Variants in RBPMS observed in about 807,000 individuals in gnomAD.
The protein encoded by RBPMS is RNA-binding protein with multiple splicing.
In RBPMS, 7 loss-of-function variants were observed where a neutral mutation model predicts 26.8. That is an observed-to-expected ratio of 0.26 (90% CI 0.15 to 0.49). RBPMS has a LOEUF of 0.49. Ranked by LOEUF, RBPMS falls within the 20% of genes least tolerant of loss-of-function variation. The probability of loss-of-function intolerance (pLI) is 0.98; values close to 1 mark genes in which losing one functional copy is unlikely to be tolerated. For synonymous variants in RBPMS, 96 were observed against 93.3 expected (o/e 1.03, Z -0.17); for missense variants, 186 against 250.0 (o/e 0.74, Z 1.73).
At chr8:30,511,167 T>A (rs1821548814) in intron 5 of RBPMS, among the ~76,000 whole-genome samples, 1 of 150,656 alleles carries the variant, frequency 6.6e-6, no homozygotes, top group African/African-American at 2.4e-5. Context: ...ATACAAAAAT[T>A]AACTAGGCGT....
At chr8:30,559,675 T>TA (rs1483102418) in intron 7 of RBPMS, among the ~76,000 whole-genome samples, 5 of 152,210 alleles carry the variant, frequency 3.3e-5, no homozygotes, top group African/African-American at 1.2e-4. Context: ...AGAGTCTACT[T>TA]AGAGTTAAGT....
chr8:30,528,175 C>CAA (rs371646274), intron 5 of RBPMS, among the ~76,000 whole-genome samples: 5 of 123,864 alleles, frequency 4.0e-5, no homozygotes, highest in Non-Finnish European at 7.0e-5. Context: ...AACTTTATTC[C>CAA]AAAAAAAAAA....
At chr8:30,446,842 T>TGTGTGTGTGC (rs1439127078) in intron 1 of RBPMS, 2 of 65,578 alleles carry the variant, frequency 3.0e-5, no homozygotes, top group East Asian at 4.4e-4. Flanking sequence ...TGTGTGTGTG[T>TGTGTGTGTGC]GCGCGCGCGC....
chr8:30,443,190 T>C (rs551901327), intron 1 of RBPMS, among the ~76,000 whole-genome samples: 12 of 152,190 alleles, frequency 7.9e-5, no homozygotes, highest in Non-Finnish European at 1.8e-4. Context: ...TTGTAAAATA[T>C]TGGAATCCGT....
At chr8:30,388,426 CTAACTTA>C (rs1424795688) in intron 1 of RBPMS, among the ~76,000 whole-genome samples, 1 of 145,364 alleles carries the variant, frequency 6.9e-6, no homozygotes, top group Non-Finnish European at 1.5e-5. Context: ...TAGCTATAAG[CTAACTTA>C]TAACTTATAG....
chr8:30,486,582 G>A (rs1430878016), intron 4 of RBPMS, among the ~76,000 whole-genome samples: 1 of 151,972 alleles, frequency 6.6e-6, no homozygotes, highest in Admixed American at 6.6e-5. Context: ...GCAGTGAGCT[G>A]CGATCACGCC....
chr8:30,417,849 A>G lies in RBPMS; in HGVS notation c.66+32691A>G, dbSNP rs187212407. ...TATATTACCCATTTCCTGCTGTAACATTTTAACTTTTTAGAATTCAACTAT... is the reference window on the plus strand; with the variant it reads ...TATATTACCCATTTCCTGCTGTAACGTTTTAACTTTTTAGAATTCAACTAT... On this transcript the variant is annotated intron_variant, in intron 1 of 8. Transcript: ENST00000397323. Among the ~76,000 whole-genome samples, 57 of 152,290 alleles carry G rather than the reference A, an allele frequency of 3.7e-4. No homozygotes were observed. The East Asian group carries it at 9.6e-3, about 26-fold the overall frequency.
At chr8:30,549,804 T>TCTCCCTCC (rs1383466717) in intron 6 of RBPMS, among the ~76,000 whole-genome samples, 2 of 102,796 alleles carry the variant, frequency 1.9e-5, no homozygotes, top group African/African-American at 9.3e-5. Flanking sequence ...CTCCCCTCTC[T>TCTCCCTCC]CCTCTCTCTC....
chr8:30,477,242 A>T (rs1817796764), intron 2 of RBPMS, among the ~76,000 whole-genome samples: 1 of 152,128 alleles, frequency 6.6e-6, no homozygotes, highest in African/African-American at 2.4e-5. Flanking sequence ...TTTAGTAGAG[A>T]TGGGGTTTCA....
intron 1 of RBPMS, among the ~76,000 whole-genome samples, chr8:30,389,668 C>A (rs74708957): frequency 0.028 from 4,186 of 152,162 alleles, 91 homozygotes; most frequent in Non-Finnish European, 0.044. Flanking sequence ...ATGACAGTGA[C>A]AATTCAGAGG....
chr8:30,408,279 A>T (rs2150570716), intron 1 of RBPMS, among the ~76,000 whole-genome samples: 1 of 152,330 alleles, frequency 6.6e-6, no homozygotes. Flanking sequence ...CCAGCAATCC[A>T]GCACTTTAGG....
intron 5 of RBPMS, among the ~76,000 whole-genome samples, chr8:30,518,920 T>A (rs1214055116): frequency 6.6e-6 from 1 of 151,734 alleles, no homozygotes; most frequent in Non-Finnish European, 1.5e-5. Context: ...TCAGGTGATA[T>A]TGCTAGTGTC....
intron 6 of RBPMS, among the ~76,000 whole-genome samples, chr8:30,546,615 CT>C: frequency 6.6e-6 from 1 of 152,206 alleles, no homozygotes; most frequent in East Asian, 1.9e-4. Context: ...GATCTTGAGA[CT>C]TTCCCAAACT....
At chr8:30,543,452 G>C (rs753662659) in intron 5 of RBPMS, among the ~76,000 whole-genome samples, 8 of 152,160 alleles carry the variant, frequency 5.3e-5, no homozygotes, top group Non-Finnish European at 1.0e-4. Context: ...TAGACTCAGG[G>C]AAAGTACTGA....
chr8:30,452,605 T>C lies in RBPMS; in HGVS notation c.67-22174T>C, dbSNP rs1008168505. ...CCGTATCTCATTTCTTTTGTGTGGT[T>C]CATGTAATTCTGTCATCTTTGACTT... On this transcript the variant is annotated intron_variant, in intron 1 of 8. Transcript: ENST00000397323. 2.0e-5 allele frequency among the ~76,000 whole-genome samples: 3 copies of C among 152,204 alleles called. No homozygotes were observed. In the East Asian group the frequency reaches 5.8e-4, roughly 29 times the overall value.
chr8:30,461,609 A>G (rs939573157), intron 1 of RBPMS, among the ~76,000 whole-genome samples: 6 of 152,076 alleles, frequency 3.9e-5, no homozygotes, highest in Non-Finnish European at 8.8e-5. Flanking sequence ...GTTAGCCAGG[A>G]TAGTCTTGAT....
At chr8:30,434,304 C>A (rs1366860396) in intron 1 of RBPMS, among the ~76,000 whole-genome samples, 1 of 151,878 alleles carries the variant, frequency 6.6e-6, no homozygotes, top group South Asian at 2.1e-4. Context: ...GCTACAACTT[C>A]TAGGAAATGA....
In RBPMS at chr8:30,384,593, C is replaced by A. The variant is rs1806770879; in HGVS notation, c.-500C>A. 6.4e-6 allele frequency: 1 copy of A among 156,928 alleles called. No homozygotes were observed. Among genetic ancestry groups the A allele is most frequent in the South Asian group, 1.9e-4 (1 of 5,250 alleles). 9.7% of individuals were successfully genotyped at this position (156,928 alleles called of 1,614,324 possible). A position where few individuals can be genotyped will look rare whatever the true frequency, so the allele number is the denominator to read the frequency against. The stretch of plus-strand genomic sequence containing the variant: ...GGCTCTCGGGTCCCAGCGTCCCAGC[C>A]GCGGCCCGCGCTCCTCCGCCCCGCT... On this transcript the variant is annotated 5_prime_UTR_variant, in exon 1 of 9. Coordinates refer to ENST00000397323, the MANE Select transcript of RBPMS (RefSeq NM_001008710.3). This position sits in a 1 kb window ranked among gnomAD's most constrained non-coding sequence, Gnocchi z 5.6.
At chr8:30,426,070 G>A (rs1811322399) in intron 1 of RBPMS, among the ~76,000 whole-genome samples, 1 of 152,188 alleles carries the variant, frequency 6.6e-6, no homozygotes, top group Non-Finnish European at 1.5e-5. Context: ...TCCCTTGACT[G>A]CACTGCTTTA....
Sources: gnomAD v4.1 joint callset for allele counts (sites outside exome capture counted in the v4.1 genomes callset) on GRCh38, gnomAD v4.1.1 for gene constraint, Gnocchi (gnomAD v3.1) non-coding constraint, MANE v1.5 for transcripts, NCBI Gene and HGNC (gene_info 2026-07-23, HGNC 2026-07-21) for gene names.